The following SORCS2 variants were observed in gnomAD, a reference collection of about 807,000 sequenced individuals.
SORCS2 encodes sortilin related VPS10 domain containing receptor 2.
A neutral mutation model predicts 141.6 loss-of-function variants in SORCS2; 100 were observed. That is an observed-to-expected ratio of 0.71 (90% CI 0.60 to 0.83). SORCS2 has a LOEUF of 0.83. Ranked by LOEUF, SORCS2 falls within the 40% of genes least tolerant of loss-of-function variation. The probability of loss-of-function intolerance (pLI) is 0.00; values close to 1 mark genes in which losing one functional copy is unlikely to be tolerated. For synonymous variants in SORCS2, 789 were observed against 676.9 expected (o/e 1.17, Z -2.57); for missense variants, 1,646 against 1,560.2 (o/e 1.05, Z -0.93).
rs114054384 is a variant in SORCS2 at position 7,310,797 on chromosome 4, A to G, written c.481-85491A>G. Among the ~76,000 whole-genome samples, 485 of 152,376 alleles carry G rather than the reference A, an allele frequency of 3.2e-3. 3 individuals carry two copies. Among genetic ancestry groups the G allele is most frequent in the African/African-American group, 0.011 (470 of 41,592 alleles). On this transcript the variant is annotated intron_variant, in intron 1 of 26. Transcript: ENST00000507866. ...TATCAGCAAATCTTGGCCAATCTGC[A>G]AAGAGAAAGATGTGAATGAAACTGC...
chr4:7,198,472 C>T (rs35913629), intron 1 of SORCS2, among the ~76,000 whole-genome samples: 21,519 of 152,142 alleles, frequency 0.14, 1,652 homozygotes, highest in South Asian at 0.29. Flanking sequence ...AATTCTAGGC[C>T]CACATGGTGT....
At chr4:7,544,196 C>A (rs988303647) in intron 3 of SORCS2, among the ~76,000 whole-genome samples, 1 of 152,198 alleles carries the variant, frequency 6.6e-6, no homozygotes, top group Non-Finnish European at 1.5e-5. Context: ...TCCCTTCATC[C>A]ATCCACTCGT....
chr4:7,733,126 C>G (rs1711836500), intron 23 of SORCS2, among the ~76,000 whole-genome samples, 196 bp from the exon 24 acceptor site: 1 of 150,088 alleles, frequency 6.7e-6, no homozygotes, highest in Admixed American at 6.6e-5. Context: ...GAGGAGGGCC[C>G]TTCCTCCCCT....
At chr4:7,253,156 G>A (rs917826701) in intron 1 of SORCS2, among the ~76,000 whole-genome samples, 1 of 152,254 alleles carries the variant, frequency 6.6e-6, no homozygotes, top group African/African-American at 2.4e-5. Context: ...CGGCCTTTGA[G>A]GTCTCCTGAG....
intron 9 of SORCS2, among the ~76,000 whole-genome samples, chr4:7,681,888 A>G (rs1042961029): frequency 3.3e-5 from 5 of 152,196 alleles, no homozygotes; most frequent in Admixed American, 3.3e-4. Context: ...CATGCTGCAT[A>G]TACAGGTGCA....
At chr4:7,493,283 T>C (rs1268410443) in intron 2 of SORCS2, among the ~76,000 whole-genome samples, 1 of 152,090 alleles carries the variant, frequency 6.6e-6, no homozygotes, top group African/African-American at 2.4e-5. Context: ...TTTAGTGGAG[T>C]TTAGAAAATG....
At chr4:7,426,540 G>T (rs545907466) in intron 2 of SORCS2, among the ~76,000 whole-genome samples, 1 of 152,190 alleles carries the variant, frequency 6.6e-6, no homozygotes, top group Admixed American at 6.5e-5. Context: ...CCTGAGCAAT[G>T]TAGCAAGACC....
intron 1 of SORCS2, among the ~76,000 whole-genome samples, chr4:7,272,912 C>A (rs1392974418): frequency 1.3e-5 from 2 of 152,242 alleles, no homozygotes; most frequent in African/African-American, 4.8e-5. Context: ...GCTCTGTAAT[C>A]ATTTCTTCTC....
chr4:7,408,239 T>C (rs1725096445), intron 2 of SORCS2, among the ~76,000 whole-genome samples: 2 of 152,230 alleles, frequency 1.3e-5, no homozygotes, highest in East Asian at 3.9e-4. Flanking sequence ...TTTTTTTCCT[T>C]TCAGATGGAA....
At chr4:7,654,002 G>A (rs778946401) in intron 4 of SORCS2, 132 bp from the exon 5 acceptor site, 26 of 833,288 alleles carry the variant, frequency 3.1e-5, no homozygotes, top group East Asian at 1.6e-4. Flanking sequence ...TGAGCACAGC[G>A]CCTCCGCGTG....
chr4:7,309,042 A>G (rs1300744062), intron 1 of SORCS2, among the ~76,000 whole-genome samples: 2 of 152,002 alleles, frequency 1.3e-5, no homozygotes, highest in African/African-American at 4.8e-5. Flanking sequence ...GCAACTTCCC[A>G]TCCTGCCCTG....
intron 12 of SORCS2, among the ~76,000 whole-genome samples, chr4:7,702,575 C>A (rs1725157265): frequency 6.6e-6 from 1 of 152,206 alleles, no homozygotes; most frequent in South Asian, 2.1e-4. Context: ...TCCAGGCCAC[C>A]CTCAGTATCC....
At chr4:7,484,025 G>T (rs1341590021) in intron 2 of SORCS2, among the ~76,000 whole-genome samples, 3 of 152,198 alleles carry the variant, frequency 2.0e-5, no homozygotes, top group Non-Finnish European at 4.4e-5. Flanking sequence ...ATCTACAGAT[G>T]TTATTTTCTG....
chr4:7,274,851 G>A (rs1427615291), intron 1 of SORCS2, among the ~76,000 whole-genome samples: 1 of 152,134 alleles, frequency 6.6e-6, no homozygotes, highest in African/African-American at 2.4e-5. Flanking sequence ...AGGGAGATGG[G>A]GAGTCTTGGG....
chr4:7,518,856 C>T (rs537112839), intron 2 of SORCS2, among the ~76,000 whole-genome samples: 129 of 152,208 alleles, frequency 8.5e-4, no homozygotes, highest in Middle Eastern at 6.8e-3. Context: ...ACCCAGAAGT[C>T]GCGGGCTGTG....
At chr4:7,614,138 C>T (rs555755878) in intron 3 of SORCS2, among the ~76,000 whole-genome samples, 26 of 151,386 alleles carry the variant, frequency 1.7e-4, no homozygotes, top group Middle Eastern at 3.4e-3. Flanking sequence ...CCATCCATCC[C>T]ATCCATCCCT....
chr4:7,204,466 C>A (rs1727629855), intron 1 of SORCS2, among the ~76,000 whole-genome samples: 7 of 152,182 alleles, frequency 4.6e-5, no homozygotes, highest in Admixed American at 2.6e-4. Flanking sequence ...AATCCACCCG[C>A]CTCAGCCTCC....
chr4:7,559,234 G>A (rs1400541613), intron 3 of SORCS2, among the ~76,000 whole-genome samples: 6 of 152,144 alleles, frequency 3.9e-5, no homozygotes, highest in East Asian at 1.9e-4. Context: ...GCAGTGCCTC[G>A]GGCTTCCATG....
intron 2 of SORCS2, among the ~76,000 whole-genome samples, chr4:7,478,311 C>A (rs773534170): frequency 2.6e-5 from 4 of 152,100 alleles, no homozygotes; most frequent in African/African-American, 4.8e-5. Flanking sequence ...GAGACCCCTC[C>A]CCATGGTCTG....
Sources: allele counts gnomAD v4.1 joint callset (sites outside exome capture counted in the v4.1 genomes callset), GRCh38; gene constraint gnomAD v4.1.1; transcripts MANE v1.5; gene names NCBI Gene and HGNC (gene_info 2026-07-23, HGNC 2026-07-21).